Variants in PCDH15 observed in about 807,000 individuals in gnomAD.
The protein encoded by PCDH15 is protocadherin-15.
PCDH15 carries 129 observed loss-of-function variants against 178.5 expected under a neutral mutation model. That is an observed-to-expected ratio of 0.72 (90% CI 0.63 to 0.84). The LOEUF (loss-of-function observed/expected upper bound fraction) is 0.84, where lower values mean the gene tolerates loss of function less well. Ranked by LOEUF, PCDH15 falls within the 40% of genes least tolerant of loss-of-function variation. The pLI, the probability that PCDH15 is intolerant of heterozygous loss-of-function variation, is 0.00. For missense variants in PCDH15, 2,230 were observed against 2,099.9 expected (o/e 1.06, Z -1.21); for synonymous variants, 800 against 732.0 (o/e 1.09, Z -1.50).
intron 29 of PCDH15, among the ~76,000 whole-genome samples, chr10:53,839,861 C>G (rs1326777078): frequency 6.6e-6 from 1 of 152,112 alleles, no homozygotes; most frequent in Non-Finnish European, 1.5e-5. Context: ...CACCTGCTCT[C>G]CACCTGTAAG....
At chr10:55,454,634 A>C (rs1464025774) in intron 2 of PCDH15, among the ~76,000 whole-genome samples, 2 of 150,646 alleles carry the variant, frequency 1.3e-5, no homozygotes, top group African/African-American at 2.4e-5. Flanking sequence ...AAAAAAAAAA[A>C]ATTAGCCGGA....
chr10:54,996,822 A>T (rs1839655406), intron 2 of PCDH15, among the ~76,000 whole-genome samples: 2 of 152,152 alleles, frequency 1.3e-5, no homozygotes, highest in South Asian at 4.1e-4. Context: ...TTAAAAATCA[A>T]ACTGCTGGCT....
rs576566764 is a variant in PCDH15, at chr10:53,989,434, A to T, written c.2868+6215T>A. On this transcript the variant is annotated intron_variant, in intron 21 of 37. Transcript: ENST00000644397. The stretch of plus-strand genomic sequence containing the variant: ...ATATTAATTTCAAGTATTATTAATA[A>T]TATAATCATTTTTCACTAAGCCTTC... Among the ~76,000 whole-genome samples, 172 of 152,278 alleles carry T rather than the reference A, an allele frequency of 1.1e-3. 1 individual carries two copies. Among genetic ancestry groups the T allele is most frequent in the Middle Eastern group, 3.4e-3 (1 of 294 alleles).
intron 2 of PCDH15, among the ~76,000 whole-genome samples, chr10:54,613,523 ACT>A (rs1290305282): frequency 6.6e-6 from 1 of 150,764 alleles, no homozygotes; most frequent in Non-Finnish European, 1.5e-5. Context: ...ACACACACAC[ACT>A]CACACACATA....
At chr10:54,560,261 G>A (rs1236508101) in intron 2 of PCDH15, among the ~76,000 whole-genome samples, 2 of 151,978 alleles carry the variant, frequency 1.3e-5, no homozygotes, top group Non-Finnish European at 2.9e-5. Context: ...CCATAATAAT[G>A]TTCTCTCGAA....
At chr10:55,383,756 T>C (rs1201031797) in intron 2 of PCDH15, among the ~76,000 whole-genome samples, 1 of 152,148 alleles carries the variant, frequency 6.6e-6, no homozygotes, top group African/African-American at 2.4e-5. Context: ...TAAACATAAC[T>C]GACTGGGCTA....
intron 2 of PCDH15, among the ~76,000 whole-genome samples, chr10:55,347,170 G>A (rs563487879): frequency 5.3e-5 from 8 of 152,092 alleles, no homozygotes; most frequent in South Asian, 4.2e-4. Context: ...AGATGAGATC[G>A]TGCAACTGCA....
At chr10:54,236,178 T>C (rs2054608575) in intron 9 of PCDH15, among the ~76,000 whole-genome samples, 1 of 152,174 alleles carries the variant, frequency 6.6e-6, no homozygotes, top group South Asian at 2.1e-4. Flanking sequence ...GTCTAGAGGC[T>C]ATGCAAATCA....
chr10:55,213,993 A>G (rs1840635011), intron 1 of PCDH15, among the ~76,000 whole-genome samples: 1 of 152,080 alleles, frequency 6.6e-6, no homozygotes, highest in Non-Finnish European at 1.5e-5. Context: ...AGCATTACCT[A>G]GTTTCCATTA....
chr10:54,812,727 G>A (rs955441564), intron 3 of PCDH15, among the ~76,000 whole-genome samples: 1 of 152,046 alleles, frequency 6.6e-6, no homozygotes, highest in South Asian at 2.1e-4. Flanking sequence ...AAAGTGCTGG[G>A]ATAACAGGTG....
intron 2 of PCDH15, among the ~76,000 whole-genome samples, chr10:55,547,914 A>T (rs200591641): frequency 0.048 from 2,912 of 60,260 alleles, 114 homozygotes; most frequent in African/African-American, 0.19. Flanking sequence ...TGTGTGTGAG[A>T]GAGAGAGAGA....
At chr10:53,970,435 T>G (rs551616812) in intron 21 of PCDH15, among the ~76,000 whole-genome samples, 10 of 152,086 alleles carry the variant, frequency 6.6e-5, no homozygotes, top group African/African-American at 2.4e-4. Flanking sequence ...CTTCAGGTCT[T>G]CAGAGCAGAA....
intron 1 of PCDH15, among the ~76,000 whole-genome samples, chr10:54,745,022 A>G (rs16906501): frequency 0.021 from 3,166 of 152,210 alleles, 103 homozygotes; most frequent in African/African-American, 0.07. Flanking sequence ...ACTATATTTC[A>G]TGCGTAACAT....
At chr10:54,819,112 C>A (rs946070876) in intron 3 of PCDH15, among the ~76,000 whole-genome samples, 1 of 151,880 alleles carries the variant, frequency 6.6e-6, no homozygotes, top group African/African-American at 2.4e-5. Flanking sequence ...TATTTCAGAA[C>A]AGCATCTAGG....
intron 28 of PCDH15, among the ~76,000 whole-genome samples, chr10:53,841,965 A>C (rs991062900): frequency 1.3e-3 from 196 of 150,684 alleles, no homozygotes; most frequent in Middle Eastern, 0.01. Context: ...AAAAAAAAAA[A>C]CAACCCCGGG....
At chr10:55,314,515 T>C (rs1479919124) in intron 1 of PCDH15, among the ~76,000 whole-genome samples, 4 of 151,754 alleles carry the variant, frequency 2.6e-5, no homozygotes, top group Admixed American at 2.6e-4. Flanking sequence ...TTTCTTACTA[T>C]CCGACACTGC....
intron 20 of PCDH15, among the ~76,000 whole-genome samples, chr10:54,008,293 G>T (rs2092451311): frequency 6.6e-6 from 1 of 152,118 alleles, no homozygotes. Context: ...CTCTAAATAA[G>T]ATAAAGCAAT....
At chr10:54,284,709 G>T (rs924430228) in intron 8 of PCDH15, among the ~76,000 whole-genome samples, 2 of 152,182 alleles carry the variant, frequency 1.3e-5, no homozygotes, top group Non-Finnish European at 2.9e-5. Context: ...CACATGAGAA[G>T]TTGATGATGC....
chr10:55,383,022 C>A (rs1005021630), intron 2 of PCDH15, among the ~76,000 whole-genome samples: 3 of 152,094 alleles, frequency 2.0e-5, no homozygotes, highest in African/African-American at 7.2e-5. Context: ...TACATACTAT[C>A]CTGTTGGTAC....
Sources: gnomAD v4.1 joint callset for allele counts (sites outside exome capture counted in the v4.1 genomes callset) on GRCh38, gnomAD v4.1.1 for gene constraint, MANE v1.5 for transcripts, NCBI Gene and HGNC (gene_info 2026-07-23, HGNC 2026-07-21) for gene names.